The following CACNA1G variants were observed in gnomAD, a reference collection of about 807,000 sequenced individuals.
The protein encoded by CACNA1G is calcium voltage-gated channel subunit alpha1 G, also known as voltage-dependent T-type calcium channel subunit alpha-1G.
Under a neutral mutation model 219.4 loss-of-function variants are expected in CACNA1G, and 67 were observed. The observed-to-expected ratio is 0.31, with a 90% CI of 0.25 to 0.37. CACNA1G has a LOEUF of 0.37. Ranked by LOEUF, CACNA1G falls within the 10% of genes least tolerant of loss-of-function variation. CACNA1G has a pLI of 1.00. For missense variants in CACNA1G, 2,380 were observed against 3,231.4 expected (o/e 0.74, Z 6.39); for synonymous variants, 1,296 against 1,345.3 (o/e 0.96, Z 0.80).
intron 9 of CACNA1G, among the ~76,000 whole-genome samples, chr17:50,579,365 A>T (rs941211571): frequency 1.3e-5 from 2 of 152,114 alleles, no homozygotes; most frequent in South Asian, 4.1e-4. Context: ...TCTAACCCTC[A>T]GAGCTATGCA....
At chr17:50,566,502 T>C (rs1344958790) in intron 1 of CACNA1G, among the ~76,000 whole-genome samples, 1 of 152,072 alleles carries the variant, frequency 6.6e-6, no homozygotes, top group African/African-American at 2.4e-5. Flanking sequence ...GTGCATGAGG[T>C]TATTCGGGGG....
At chr17:50,569,876 C>G (rs769711798) in intron 4 of CACNA1G, 73 bp downstream of exon 4, 1 of 1,159,662 alleles carries the variant, frequency 8.6e-7, no homozygotes, top group Non-Finnish European at 1.2e-6. Context: ...GACCCCACCT[C>G]TACTACTGTG....
chr17:50,578,249 T>C lies in CACNA1G; in HGVS notation c.1986T>C (p.Cys662=). 1.2e-6 allele frequency: 2 copies of C among 1,610,270 alleles called. No homozygotes were observed. Among genetic ancestry groups the C allele is most frequent in the African/African-American group, 2.7e-5 (2 of 74,872 alleles). The change falls in exon 9 of 38, where the codon TGT becomes TGC. Residue 662 remains cysteine (C), a synonymous_variant. Transcript: ENST00000359106. This position sits in a 1 kb window ranked among gnomAD's most constrained non-coding sequence, Gnocchi z 4.5. ...SPCLKADSGA[C]GPDSCPYCAR... ...GCTTGAAAGCAGACAGTGGAGCCTG[T>C]GGTCCAGACAGCTGCCCCTACTGTG...
intron 26 of CACNA1G, among the ~76,000 whole-genome samples, chr17:50,615,101 G>A (rs2050186316): frequency 6.6e-6 from 1 of 152,078 alleles, no homozygotes; most frequent in Non-Finnish European, 1.5e-5. Flanking sequence ...GGGCTCACCT[G>A]GCGTCTAATG....
At chr17:50,565,582 C>T (rs1417101253) in intron 1 of CACNA1G, among the ~76,000 whole-genome samples, 1 of 152,124 alleles carries the variant, frequency 6.6e-6, no homozygotes, top group Non-Finnish European at 1.5e-5. Context: ...CCATTTTCTC[C>T]TCAACGTTCC....
chr17:50,562,121 G>A (rs981217055), intron 1 of CACNA1G: 1 of 150,480 alleles, frequency 6.6e-6, no homozygotes, highest in Non-Finnish European at 1.5e-5. Context: ...TTCCGAGTTT[G>A]GTGGGGGGTG....
At chr17:50,604,118 G>A in intron 21 of CACNA1G, 37 bp from the exon 22 acceptor site, 1 of 1,603,066 alleles carries the variant, frequency 6.2e-7, no homozygotes, top group Non-Finnish European at 8.5e-7. Context: ...GTCTGGGCTG[G>A]GGGAAGCCTT....
intron 26 of CACNA1G, 44 bp downstream of exon 26, chr17:50,609,979 C>T: frequency 1.3e-6 from 2 of 1,560,090 alleles, no homozygotes; most frequent in Non-Finnish European, 1.8e-6. Flanking sequence ...GGGACATGCT[C>T]TTCACTCCCT....
At chr17:50,616,464 C>A in intron 28 of CACNA1G, 80 bp downstream of exon 28, 2 of 857,894 alleles carry the variant, frequency 2.3e-6, no homozygotes, top group Non-Finnish European at 1.9e-6. Context: ...CCCAGGAAGA[C>A]CTAGTGTCTA....
rs370928124 is a variant in CACNA1G, at chr17:50,576,037, C to G, written c.1635C>G (p.Ala545=). 5 of 1,571,696 alleles carry G rather than the reference C, an allele frequency of 3.2e-6. No individual in the cohort carries two copies. Among genetic ancestry groups the G allele is most frequent in the Non-Finnish European group, 4.3e-6 (5 of 1,159,620 alleles). ...PPPSTPALSG[A]PPGGAESVHS... ...CCTCGACGCCTGCCCTCTCCGGGGC[C>G]CCCCCTGGTGGCGCAGAGTCTGTGC... is the stretch of plus-strand genomic sequence containing the variant. Residue 545 remains alanine (A), a synonymous_variant, in exon 8 of 38, where the codon GCC becomes GCG. Coordinates refer to ENST00000359106, the MANE Select transcript of CACNA1G (RefSeq NM_018896.5).
intron 7 of CACNA1G, among the ~76,000 whole-genome samples, chr17:50,574,415 C>T (rs1434312466): frequency 6.6e-6 from 1 of 152,238 alleles, no homozygotes; most frequent in Non-Finnish European, 1.5e-5. Flanking sequence ...GTCCCCAAGG[C>T]CACCTCATTC....
chr17:50,571,814 G>C lies in CACNA1G; in HGVS notation c.587-64G>C. The C allele has an allele frequency of 1.3e-6, 2 of 1,573,706 alleles. No homozygotes were observed. The highest frequency in any genetic ancestry group is 1.7e-5 in the Admixed American group (1 of 59,676). Reference sequence around the variant, plus strand: ...GTGGGGCCCCTCCGGGAGTGCTGCCGGGCCGTGGCAGTCAGCCTAGCCCGG... The same window carrying C: ...GTGGGGCCCCTCCGGGAGTGCTGCCCGGCCGTGGCAGTCAGCCTAGCCCGG... On this transcript the variant is annotated intron_variant, in intron 4 of 37. Transcript: ENST00000359106. The surrounding 1 kb of genome is among the most constrained non-coding windows in gnomAD (Gnocchi z 4.3).
intron 8 of CACNA1G, 24 bp downstream of exon 8, chr17:50,576,350 G>A: frequency 7.1e-6 from 11 of 1,558,212 alleles, no homozygotes; most frequent in Non-Finnish European, 9.6e-6. Flanking sequence ...GTGGAGGCAT[G>A]TGGGTGCCCT....
rs536744632 is a variant in CACNA1G at position 50,600,272 on chromosome 17, C to T, written c.3690+413C>T. Among the ~76,000 whole-genome samples the T allele has an allele frequency of 6.6e-6, 1 of 152,326 alleles. No individual in the cohort carries two copies. The highest frequency in any genetic ancestry group is 2.4e-5 in the African/African-American group (1 of 41,582). ...TGCCCCTGCCCCAGCCCCTCATCAC[C>T]ACCATTCCCCCTGGGGATGGGGTGC... On this transcript the variant is annotated intron_variant, in intron 17 of 37. Transcript: ENST00000359106. The surrounding 1 kb of genome is among the most constrained non-coding windows in gnomAD (Gnocchi z 4.1).
At position 50,603,505 on chromosome 17, in the gene CACNA1G, ACT is replaced by A. The variant is rs2047224629; in HGVS notation, c.4169+310_4169+311del. On this transcript the variant is annotated intron_variant, in intron 21 of 37. Transcript: ENST00000359106. This position sits in a 1 kb window ranked among gnomAD's most constrained non-coding sequence, Gnocchi z 6.4. The stretch of plus-strand genomic sequence containing the variant: ...CACAGCACAAGGGGCCACGAGCAGG[ACT>A]CTCACAGTCTTCAGCTGCGGCTCTC... Among the ~76,000 whole-genome samples the A allele has an allele frequency of 6.6e-6, 1 of 151,840 alleles. No homozygotes were observed. Among genetic ancestry groups the A allele is most frequent in the East Asian group, 1.9e-4 (1 of 5,160 alleles).
In CACNA1G at chr17:50,603,936, G is replaced by A. The variant is rs890406721; in HGVS notation, c.4170-219G>A. On this transcript the variant is annotated intron_variant, in intron 21 of 37. Transcript: ENST00000359106. The surrounding 1 kb of genome is among the most constrained non-coding windows in gnomAD (Gnocchi z 6.4). ...GTCGTACATTTGACATCCTGGGATG[G>A]AGGTGGAGATGTGGGGCATGGGGAT... 1.8e-4 allele frequency among the ~76,000 whole-genome samples: 28 copies of A among 152,294 alleles called. No homozygotes were observed. Among genetic ancestry groups the A allele is most frequent in the African/African-American group, 6.5e-4 (27 of 41,552 alleles).
chr17:50,598,809 T>C (rs770735416), intron 16 of CACNA1G, among the ~76,000 whole-genome samples: 1 of 152,192 alleles, frequency 6.6e-6, no homozygotes, highest in Non-Finnish European at 1.5e-5. Flanking sequence ...TCACTGCAAC[T>C]TCCACCTTCC....
intron 1 of CACNA1G, among the ~76,000 whole-genome samples, chr17:50,562,919 G>C (rs1440707905): frequency 6.6e-6 from 1 of 152,158 alleles, no homozygotes; most frequent in East Asian, 1.9e-4. Flanking sequence ...GCTCCCTGGC[G>C]GGTCCTGCCA....
rs1448513739 is a variant in CACNA1G, at chr17:50,560,922, G to A, written c.-538G>A. ...TGAGCCCGCGGCGGGGCGGGGGAAGGAGCCGCCCCCACCCCCTCCAAGCCC... is the reference window on the plus strand; with the variant it reads ...TGAGCCCGCGGCGGGGCGGGGGAAGAAGCCGCCCCCACCCCCTCCAAGCCC... On this transcript the variant is annotated 5_prime_UTR_variant, in exon 1 of 38. Transcript: ENST00000359106. The A allele has an allele frequency of 1.9e-5, 3 of 158,622 alleles. No homozygotes were observed. The highest frequency in any genetic ancestry group is 4.2e-5 in the Non-Finnish European group (3 of 72,106). 9.8% of individuals were successfully genotyped at this position (158,622 alleles called of 1,614,324 possible). A position where few individuals can be genotyped will look rare whatever the true frequency, so the allele number is the denominator to read the frequency against.
Sources: allele counts gnomAD v4.1 joint callset (sites outside exome capture counted in the v4.1 genomes callset), GRCh38; gene constraint gnomAD v4.1.1; non-coding constraint Gnocchi (gnomAD v3.1); transcripts MANE v1.5; gene names NCBI Gene and HGNC (gene_info 2026-07-23, HGNC 2026-07-21).